SBF1: variants seen among roughly 807,000 people sequenced by gnomAD.
SBF1 encodes the protein SET binding factor 1, also known as myotubularin-related protein 5.
A neutral mutation model predicts 215.8 loss-of-function variants in SBF1; 65 were observed. That is an observed-to-expected ratio of 0.30 (90% CI 0.25 to 0.37). The LOEUF (loss-of-function observed/expected upper bound fraction) is 0.37, where lower values mean the gene tolerates loss of function less well. Among genes scored for constraint, SBF1 ranks in the 10% least tolerant of loss-of-function variants. SBF1 has a pLI of 1.00. For missense variants in SBF1, 2,634 were observed against 2,667.8 expected, an observed-to-expected ratio of 0.99 and a Z score of 0.28; for synonymous variants, 1,410 against 1,122.8, an observed-to-expected ratio of 1.26 and a Z score of -5.11.
chr22:50,467,004 G>A (rs1603434172), intron 5 of SBF1: 1 of 561,946 alleles, frequency 1.8e-6, no homozygotes, highest in Non-Finnish European at 3.2e-6. Context: ...GAGTCCAGCT[G>A]CACAGGACAG....
chr22:50,455,638 A>C (rs2067217355), intron 31 of SBF1, 56 bp from the exon 32 acceptor site: 1 of 1,442,064 alleles, frequency 6.9e-7, no homozygotes, highest in Non-Finnish European at 9.5e-7. Flanking sequence ...CCGCCTGGCC[A>C]CTCACCAGGC....
chr22:50,471,779 C>T (rs1399369489), intron 1 of SBF1, among the ~76,000 whole-genome samples: 1 of 152,138 alleles, frequency 6.6e-6, no homozygotes, highest in East Asian at 1.9e-4. Flanking sequence ...CAGTTGAGGC[C>T]ATCCCAAACA....
chr22:50,448,538 C>T lies in SBF1; in HGVS notation c.5151+5G>A. 6.2e-7 allele frequency: 1 copy of T among 1,612,046 alleles called. No individual in the cohort carries two copies. The highest frequency in any genetic ancestry group is 8.5e-7 in the Non-Finnish European group (1 of 1,179,436). On this transcript the variant is annotated splice_donor_5th_base_variant and intron_variant, in intron 37 of 40. Coordinates refer to ENST00000380817, the MANE Select transcript of SBF1 (RefSeq NM_002972.4). Reference sequence around the variant, plus strand: ...CCGTGGACGCTCACACTGGCCCTCACTCACACGGCCGTCTGGCCGGCCCTC... The same window carrying T: ...CCGTGGACGCTCACACTGGCCCTCATTCACACGGCCGTCTGGCCGGCCCTC...
chr22:50,449,656 A>ACACACAC (rs1026571113), intron 36 of SBF1, among the ~76,000 whole-genome samples: 6 of 148,456 alleles, frequency 4.0e-5, no homozygotes, highest in African/African-American at 1.5e-4. Flanking sequence ...ACACACACAC[A>ACACACAC]CCCCAAAATG....
chr22:50,449,062 G>A (rs1046582867), intron 36 of SBF1, among the ~76,000 whole-genome samples: 20 of 152,100 alleles, frequency 1.3e-4, no homozygotes, highest in Non-Finnish European at 2.1e-4. Context: ...AGCCCAGCAT[G>A]GTGGCGCACG....
intron 15 of SBF1, among the ~76,000 whole-genome samples, chr22:50,464,022 C>G (rs942225489): frequency 6.6e-6 from 1 of 152,164 alleles, no homozygotes; most frequent in South Asian, 2.1e-4. Flanking sequence ...AAGAACAGGT[C>G]GTGTATGGGC....
At chr22:50,463,825 C>T (rs77142290) in intron 15 of SBF1, among the ~76,000 whole-genome samples, 10,191 of 152,300 alleles carry the variant, frequency 0.067, 380 homozygotes, top group African/African-American at 0.078. Context: ...CAAAACTGGC[C>T]GCCCCAAAGG....
intron 2 of SBF1, 105 bp downstream of exon 2, chr22:50,468,271 G>C (rs908965396): frequency 1.8e-6 from 2 of 1,099,892 alleles, no homozygotes; most frequent in Non-Finnish European, 2.6e-6. Context: ...CTAGCCCAGC[G>C]GGGGGCCGGG....
chr22:50,456,556 T>C lies in SBF1; in HGVS notation c.4022A>G (p.Asp1341Gly). 2 of 1,546,734 alleles carry C rather than the reference T, an allele frequency of 1.3e-6. No individual in the cohort carries two copies. Among genetic ancestry groups the C allele is most frequent in the Admixed American group, 1.9e-5 (1 of 53,076 alleles). Residue 1341 changes from aspartate to glycine, a missense_variant, in exon 30 of 41, where the codon GAC becomes GGC. Physicochemically the swap from Asp to Gly is moderately conservative, Grantham distance 94. Coordinates refer to ENST00000380817, the MANE Select transcript of SBF1 (RefSeq NM_002972.4). ...APPQANGGPP[D>G]PGFLRPQRAA... ...TCGCTGCGGACGCAGGAAGCCCGGG[T>C]CGGGAGGGCCCCCGTTGGCCTGGGG...
rs1284331623 is a variant in SBF1, at chr22:50,467,632, T to C, written c.338A>G (p.Gln113Arg). 1 of 1,587,782 alleles carries C rather than the reference T, an allele frequency of 6.3e-7. No homozygotes were observed. The highest frequency in any genetic ancestry group is 8.6e-7 in the Non-Finnish European group (1 of 1,165,022). ...EREEEGDEGG[Q>R]THLSPTAPAP... ...AGGTGCTGTGGGAGACAGGTGGGTC[T>C]GGCCTCCCTCATCCCCCTCTTCCTC... is the stretch of plus-strand genomic sequence containing the variant. Residue 113 changes from glutamine to arginine, a missense_variant, in exon 4 of 41, where the codon CAG becomes CGG. Physicochemically the swap from Gln to Arg is conservative, Grantham distance 43. Transcript: ENST00000380817.
Position 50,465,830 on chromosome 22 carries a change from G to A in SBF1, c.1022C>T (p.Pro341Leu), listed in dbSNP as rs780381909. Residue 341 changes from proline (P) to leucine (L), a missense_variant, in exon 10 of 41, where the codon CCG (proline) becomes CTG (leucine). Pro to Leu is a moderately conservative substitution (Grantham distance 98). Coordinates refer to ENST00000380817, the MANE Select transcript of SBF1 (RefSeq NM_002972.4). The stretch of plus-strand genomic sequence containing the variant: ...GGCGAGGTCAGCCAACTCCAGCTCC[G>A]GGTCCAGGACCTGCCAGCACAGAAT... ...THSVLSMVLD[P>L]ELELADLAFP... 11 of 1,612,586 alleles carry A rather than the reference G, an allele frequency of 6.8e-6. No homozygotes were observed. Among genetic ancestry groups the A allele is most frequent in the East Asian group, 4.5e-5 (2 of 44,880 alleles).
At chr22:50,460,862 C>A in intron 23 of SBF1, 150 bp from the exon 24 acceptor site, 4 of 961,768 alleles carry the variant, frequency 4.2e-6, no homozygotes, top group Non-Finnish European at 6.1e-6. Context: ...CACACGAAGG[C>A]AAGCGCTTGT....
intron 36 of SBF1, among the ~76,000 whole-genome samples, chr22:50,453,263 A>C (rs2067118101): frequency 6.6e-6 from 1 of 152,218 alleles, no homozygotes. Flanking sequence ...TGTTAGCACC[A>C]ATGAGACCGC....
Position 50,446,665 on chromosome 22 carries a change from C to G in SBF1, c.*477G>C. ...CACTCCCAGGGACATGCAGGCCGAG[C>G]TGGGTGGACCCAGGCACCAGGAGAG... On this transcript the variant is annotated 3_prime_UTR_variant, in exon 41 of 41. Transcript: ENST00000380817. 1 of 372,126 alleles carries G rather than the reference C, an allele frequency of 2.7e-6. No individual in the cohort carries two copies. 23.1% of individuals were successfully genotyped at this position (372,126 alleles called of 1,614,324 possible).
chr22:50,458,853 G>C (rs2067373607), intron 28 of SBF1, among the ~76,000 whole-genome samples: 1 of 152,210 alleles, frequency 6.6e-6, no homozygotes, highest in African/African-American at 2.4e-5. Flanking sequence ...TGCAGGGAGG[G>C]TGGAGTGTGG....
In SBF1 at chr22:50,466,023, A is replaced by G; in HGVS notation, c.949T>C (p.Cys317Arg). 6.2e-7 allele frequency: 1 copy of G among 1,613,908 alleles called. No homozygotes were observed. The highest frequency in any genetic ancestry group is 8.5e-7 in the Non-Finnish European group (1 of 1,180,032). ...LDGGTVTIPE[C>R]VHIPPLPEPL... The stretch of plus-strand genomic sequence containing the variant: ...TCTGGCAAGGGTGGAATGTGCACAC[A>G]CTCAGGAATGGTGACCGTCCCTCCA... The change falls in exon 9 of 41, where the codon TGT becomes CGT. Residue 317 changes from cysteine (C) to arginine (R), a missense_variant. Cys to Arg is a radical substitution (Grantham distance 180). Transcript: ENST00000380817.
At chr22:50,470,615 T>C (rs916530474) in intron 1 of SBF1, among the ~76,000 whole-genome samples, 5 of 152,132 alleles carry the variant, frequency 3.3e-5, no homozygotes, top group African/African-American at 1.2e-4. Context: ...TGCCCCAGCC[T>C]GGGGCCTACA....
In SBF1 at chr22:50,462,101, G is replaced by T. The variant is rs369244386; in HGVS notation, c.2415C>A (p.Ala805=). 6 of 1,613,574 alleles carry T rather than the reference G, an allele frequency of 3.7e-6. No homozygotes were observed. Among genetic ancestry groups the T allele is most frequent in the Non-Finnish European group, 4.2e-6 (5 of 1,180,048 alleles). Residue 805 remains alanine (A), a synonymous_variant, in exon 20 of 41, where the codon GCC becomes GCA. Transcript: ENST00000380817. ...LVTNSMAGSV[A]ESYDTESGFE... is the part of the protein sequence containing the mutation. ...AGCCGCTCTCCGTGTCATAGCTCTC[G>T]GCCACACTGCCAGCCATGCTGGGCC...
chr22:50,459,263 C>T lies in SBF1; in HGVS notation c.3818G>A (p.Gly1273Asp), dbSNP rs147879775. Reference protein sequence around the residue: ...TLSGFSSAHMGSHVPSPRARV... With the variant: ...TLSGFSSAHMDSHVPSPRARV... ...CCCACAAGCACCCTCACCGTGACTG[C>T]CCATGTGGGCTGAGGAGAAGCCGCT... The change falls in exon 28 of 41, where the codon GGC becomes GAC. Residue 1273 changes from glycine (G) to aspartate (D), a missense_variant. Transcript: ENST00000380817. 1.8e-3 allele frequency: 2,893 copies of T among 1,601,192 alleles called. 53 individuals are homozygous for T. In the African/African-American group the frequency reaches 0.033, roughly 18 times the overall value.
Sources: allele counts gnomAD v4.1 joint callset (sites outside exome capture counted in the v4.1 genomes callset), GRCh38; gene constraint gnomAD v4.1.1; transcripts MANE v1.5; gene names NCBI Gene and HGNC (gene_info 2026-07-23, HGNC 2026-07-21).